MYOM2: variants seen among roughly 807,000 people sequenced by gnomAD.
MYOM2 encodes myomesin 2.
MYOM2 carries 254 observed loss-of-function variants against 187.6 expected under a neutral mutation model. The ratio of observed to expected loss-of-function variants is 1.35; its 90% CI spans 1.22 to 1.50. The LOEUF is 1.50. Ranked by LOEUF, MYOM2 falls within the 40% of genes most tolerant of loss-of-function variation. The pLI is 0.00. For synonymous variants in MYOM2, 981 were observed against 753.8 expected (o/e 1.30, Z -4.94); for missense variants, 2,796 against 1,924.0 (o/e 1.45, Z -8.48).
In MYOM2 at chr8:2,126,948, G is replaced by C. The variant is rs1447334167; in HGVS notation, c.3695-2179G>C. 2.8e-5 allele frequency among the ~76,000 whole-genome samples: 4 copies of C among 143,606 alleles called. No homozygotes were observed. The East Asian group carries it at 8.8e-4, about 32-fold the overall frequency. The allele number at this position is 143,606 out of a possible 152,430, so 94.2% of individuals were successfully genotyped here. A position where few individuals can be genotyped will look rare whatever the true frequency, so the allele number is the denominator to read the frequency against. ...GCAGATAGAGGCTGGAGGAGCACTG[G>C]GGGAGGATGGGGAAGCACTGAGAGA... On this transcript the variant is annotated intron_variant, in intron 31 of 36. Coordinates refer to ENST00000262113, the MANE Select transcript of MYOM2 (RefSeq NM_003970.4).
intron 32 of MYOM2, among the ~76,000 whole-genome samples, chr8:2,132,394 T>C (rs1286911696): frequency 6.6e-6 from 1 of 152,242 alleles, no homozygotes; most frequent in East Asian, 1.9e-4. Context: ...TAGAAACTTA[T>C]TCAGCGTGAG....
At chr8:2,137,846 T>A (rs921560486) in intron 32 of MYOM2, among the ~76,000 whole-genome samples, 4 of 152,122 alleles carry the variant, frequency 2.6e-5, no homozygotes, top group African/African-American at 9.7e-5. Context: ...GATAAAGAAG[T>A]CTTTCTTAAT....
At chr8:2,089,368 C>A (rs1796214320) in intron 14 of MYOM2, among the ~76,000 whole-genome samples, 1 of 152,168 alleles carries the variant, frequency 6.6e-6, no homozygotes, top group Admixed American at 6.5e-5. Context: ...ACGTGTGGTA[C>A]ATATATTTAT....
chr8:2,141,318 A>C, intron 34 of MYOM2, 141 bp downstream of exon 34: 1 of 658,176 alleles, frequency 1.5e-6, no homozygotes, highest in Non-Finnish European at 2.6e-6. Context: ...GAATTTAAGC[A>C]ATGCAGTATA....
intron 32 of MYOM2, among the ~76,000 whole-genome samples, chr8:2,136,316 C>T (rs1798068803): frequency 6.6e-6 from 1 of 152,028 alleles, no homozygotes; most frequent in Non-Finnish European, 1.5e-5. Flanking sequence ...CATGTGTTTA[C>T]CCTGATCCCA....
intron 6 of MYOM2, among the ~76,000 whole-genome samples, chr8:2,063,955 T>G (rs1199549326): frequency 6.6e-6 from 1 of 152,246 alleles, no homozygotes; most frequent in African/African-American, 2.4e-5. Flanking sequence ...TTGCAAGTTC[T>G]CACAGCATGA....
In MYOM2 at chr8:2,121,126, C is replaced by T. The variant is rs141972780; in HGVS notation, c.3454-2126C>T. On this transcript the variant is annotated intron_variant, in intron 28 of 36. Transcript: ENST00000262113. ...CTGTGTATGTAGTCCATTCATGCTG[C>T]AAAAACAACTTTCTCAAATTATTTA... 7.2e-5 allele frequency among the ~76,000 whole-genome samples: 11 copies of T among 152,198 alleles called. No homozygotes were observed. The East Asian group carries it at 1.9e-3, about 27-fold the overall frequency.
Position 2,123,568 on chromosome 8 carries a change from A to C in MYOM2, c.3581A>C (p.Asp1194Ala). The C allele has an allele frequency of 6.2e-7, 1 of 1,614,064 alleles. No individual in the cohort carries two copies. The highest frequency in any genetic ancestry group is 1.1e-5 in the South Asian group (1 of 91,082). ...TTTTCTTTGTAGTTGTCAAAGAAGG[A>C]CCACGGTGAATACAAGGCAACCTTG... is the stretch of plus-strand genomic sequence containing the variant. ...ELLIPKLSKK[D>A]HGEYKATLKD... The change falls in exon 30 of 37, where the codon GAC becomes GCC. Residue 1194 changes from aspartate to alanine, a missense_variant. Asp to Ala is a moderately radical substitution (Grantham distance 126, BLOSUM62 -2). Transcript: ENST00000262113.
At chr8:2,056,887 A>C (rs1304868480) in intron 3 of MYOM2, among the ~76,000 whole-genome samples, 3 of 152,212 alleles carry the variant, frequency 2.0e-5, no homozygotes, top group African/African-American at 7.2e-5. Flanking sequence ...CCCTGTCTTT[A>C]CTGAGCACCT....
At chr8:2,104,468 G>T (rs979914648) in intron 21 of MYOM2, among the ~76,000 whole-genome samples, 1 of 152,090 alleles carries the variant, frequency 6.6e-6, no homozygotes, top group Non-Finnish European at 1.5e-5. Flanking sequence ...AGCTGGGCAT[G>T]GTGTTGGGCG....
At chr8:2,046,673 C>G (rs757477987) in intron 1 of MYOM2, among the ~76,000 whole-genome samples, 1 of 152,052 alleles carries the variant, frequency 6.6e-6, no homozygotes, top group Non-Finnish European at 1.5e-5. Flanking sequence ...CCTCCCAATG[C>G]GCCTGAGCCC....
chr8:2,059,031 C>T (rs562759508), intron 5 of MYOM2, 122 bp from the exon 6 acceptor site: 134 of 756,694 alleles, frequency 1.8e-4, no homozygotes, highest in East Asian at 1.1e-3. Flanking sequence ...GTCCTCCTCC[C>T]GCCTGAGGCT....
At chr8:2,073,789 A>T (rs1819320865) in intron 10 of MYOM2, among the ~76,000 whole-genome samples, 1 of 152,230 alleles carries the variant, frequency 6.6e-6, no homozygotes, top group South Asian at 2.1e-4. Flanking sequence ...AACGATTCCC[A>T]AGAGTGAGTG....
chr8:2,086,461 CGTGGCCACACACTGTCATGATCTCTGT>C (rs1333941499), intron 14 of MYOM2, among the ~76,000 whole-genome samples: 2 of 139,950 alleles, frequency 1.4e-5, no homozygotes, highest in South Asian at 2.2e-4. Context: ...GTGATCTCCA[CGTGGCCACACACTGTCATGATCTCTGT>C]GTGGCCCCCC....
intron 10 of MYOM2, among the ~76,000 whole-genome samples, chr8:2,074,630 T>C (rs995023270): frequency 6.6e-6 from 1 of 152,150 alleles, no homozygotes; most frequent in African/African-American, 2.4e-5. Flanking sequence ...AATTTTTATA[T>C]TTTTAGTAGA....
intron 18 of MYOM2, 111 bp from the exon 19 acceptor site, chr8:2,098,746 G>C (rs2294065): frequency 7.3e-6 from 9 of 1,225,724 alleles, no homozygotes; most frequent in Middle Eastern, 2.0e-4. Flanking sequence ...TCCCGACAAG[G>C]TTCCTTCCTC....
At chr8:2,108,688 G>A (rs1796970443) in intron 23 of MYOM2, 98 bp from the exon 24 acceptor site, 1 of 1,129,044 alleles carries the variant, frequency 8.9e-7, no homozygotes, top group African/African-American at 1.5e-5. Flanking sequence ...ATTAAATCCT[G>A]GGGGTTTCCA....
At chr8:2,143,785 G>T (rs573026252) in intron 36 of MYOM2, among the ~76,000 whole-genome samples, 1 of 152,336 alleles carries the variant, frequency 6.6e-6, no homozygotes, top group Non-Finnish European at 1.5e-5. Context: ...AGGAGCAACT[G>T]CAGGATGAGG....
intron 1 of MYOM2, among the ~76,000 whole-genome samples, chr8:2,049,008 G>C (rs1477312696): frequency 6.6e-6 from 1 of 152,038 alleles, no homozygotes; most frequent in Non-Finnish European, 1.5e-5. Context: ...AGCCAGGGTA[G>C]TCTCAATCTC....
Sources: gnomAD v4.1 joint callset for allele counts (sites outside exome capture counted in the v4.1 genomes callset) on GRCh38, gnomAD v4.1.1 for gene constraint, MANE v1.5 for transcripts, NCBI Gene and HGNC (gene_info 2026-07-23, HGNC 2026-07-21) for gene names.